The following ARHGAP24 variants were observed in gnomAD, a reference collection of about 807,000 sequenced individuals.
The protein encoded by ARHGAP24 is Rho GTPase activating protein 24.
In ARHGAP24, 50 loss-of-function variants were observed where a neutral mutation model predicts 76.4. That is an observed-to-expected ratio of 0.65 (90% CI 0.52 to 0.83). The LOEUF is 0.83. ARHGAP24 is among the 40% of genes least tolerant of loss of function. The probability of loss-of-function intolerance (pLI) is 0.00; values close to 1 mark genes in which losing one functional copy is unlikely to be tolerated. For missense variants in ARHGAP24, 930 were observed against 914.2 expected (o/e 1.02, Z -0.22); for synonymous variants, 345 against 323.3 (o/e 1.07, Z -0.72).
intron 5 of ARHGAP24, among the ~76,000 whole-genome samples, chr4:85,960,814 T>C (rs1047955021): frequency 2.2e-4 from 34 of 152,130 alleles, no homozygotes; most frequent in Non-Finnish European, 3.2e-4. Context: ...AAAGTCATAG[T>C]CCTATCTATG....
intron 2 of ARHGAP24, among the ~76,000 whole-genome samples, chr4:85,637,103 A>AC (rs1721337139): frequency 6.6e-6 from 1 of 152,148 alleles, no homozygotes; most frequent in Non-Finnish European, 1.5e-5. Context: ...TGTGTGGCAC[A>AC]GATAGCCAGT....
At chr4:85,975,020 A>G in intron 7 of ARHGAP24, 59 bp downstream of exon 7, 2 of 1,480,956 alleles carry the variant, frequency 1.4e-6, no homozygotes, top group South Asian at 1.1e-5. Flanking sequence ...CCTGATACTA[A>G]TTTGTGTTTG....
At chr4:85,831,964 T>A (rs1001956775) in intron 3 of ARHGAP24, among the ~76,000 whole-genome samples, 2 of 152,142 alleles carry the variant, frequency 1.3e-5, no homozygotes, top group Admixed American at 1.3e-4. Flanking sequence ...ACTGTATTTT[T>A]AAACGTAGGT....
chr4:85,753,940 A>G lies in ARHGAP24; in HGVS notation c.268+31968A>G, dbSNP rs1442710579. ...ATTATTCTGTTCTAGCTATTTTGTA[A>G]TATACAATAATATACAATAAAATGT... On this transcript the variant is annotated intron_variant, in intron 3 of 9. Coordinates refer to ENST00000395184, the MANE Select transcript of ARHGAP24 (RefSeq NM_001025616.3). Among the ~76,000 whole-genome samples the G allele has an allele frequency of 2.6e-5, 4 of 152,140 alleles. No homozygotes were observed. In the South Asian group the frequency reaches 8.3e-4, roughly 32 times the overall value.
chr4:85,942,478 C>A, intron 5 of ARHGAP24: 1 of 545,482 alleles, frequency 1.8e-6, no homozygotes, highest in Non-Finnish European at 3.2e-6. Flanking sequence ...CCATACTTTC[C>A]ATCTTAAAAC....
chr4:85,975,908 A>G (rs549696396), intron 7 of ARHGAP24: 1 of 152,330 alleles, frequency 6.6e-6, no homozygotes, highest in African/African-American at 2.4e-5. Flanking sequence ...AAGTCCTCCC[A>G]CAATAAGTTC....
chr4:85,738,542 A>C (rs1463049160), intron 3 of ARHGAP24, among the ~76,000 whole-genome samples: 1 of 151,796 alleles, frequency 6.6e-6, no homozygotes, highest in African/African-American at 2.4e-5. Context: ...GTGTCCTTGA[A>C]CCACAGAAGT....
intron 3 of ARHGAP24, among the ~76,000 whole-genome samples, chr4:85,801,683 A>G (rs1340708334): frequency 1.3e-5 from 2 of 152,238 alleles, no homozygotes; most frequent in Non-Finnish European, 2.9e-5. Flanking sequence ...AGATCAAACC[A>G]TGTGCTTGTG....
intron 3 of ARHGAP24, among the ~76,000 whole-genome samples, chr4:85,840,999 C>G (rs1730567794): frequency 6.6e-6 from 1 of 152,076 alleles, no homozygotes; most frequent in Non-Finnish European, 1.5e-5. Flanking sequence ...GAAGTAGGCA[C>G]CATAATACCT....
chr4:85,675,819 G>A (rs968070140), intron 2 of ARHGAP24, among the ~76,000 whole-genome samples: 5 of 152,114 alleles, frequency 3.3e-5, no homozygotes, highest in African/African-American at 4.8e-5. Context: ...ATGTTTATGT[G>A]CTCCTATCCA....
intron 2 of ARHGAP24, among the ~76,000 whole-genome samples, chr4:85,684,328 A>C (rs1456376259): frequency 6.6e-6 from 1 of 152,076 alleles, no homozygotes; most frequent in Admixed American, 6.6e-5. Context: ...ATGATATTTC[A>C]TTGTGGTTTT....
chr4:85,503,252 C>T (rs1723899872), intron 1 of ARHGAP24, among the ~76,000 whole-genome samples: 1 of 152,110 alleles, frequency 6.6e-6, no homozygotes, highest in African/African-American at 2.4e-5. Flanking sequence ...AGGGAGGATT[C>T]CCTCTTTTTC....
chr4:85,641,022 C>CTAAAGAAATTTCT (rs1323808621), intron 2 of ARHGAP24, among the ~76,000 whole-genome samples: 12 of 29,170 alleles, frequency 4.1e-4, no homozygotes, highest in Non-Finnish European at 1.0e-3. Flanking sequence ...AAGAAATTTA[C>CTAAAGAAATTTCT]TTAAGTTATT....
intron 4 of ARHGAP24, among the ~76,000 whole-genome samples, chr4:85,926,927 A>G (rs974351149): frequency 3.9e-5 from 6 of 152,218 alleles, no homozygotes; most frequent in African/African-American, 4.8e-5. Flanking sequence ...ACCCACAATT[A>G]TAAGTCCATG....
chr4:85,856,300 G>T (rs1239766471), intron 3 of ARHGAP24, among the ~76,000 whole-genome samples: 1 of 150,504 alleles, frequency 6.6e-6, no homozygotes, highest in Admixed American at 6.6e-5. Flanking sequence ...ATCTCATTTT[G>T]GTAAAAAAAA....
At chr4:85,744,614 G>A (rs1725955058) in intron 3 of ARHGAP24, among the ~76,000 whole-genome samples, 1 of 152,114 alleles carries the variant, frequency 6.6e-6, no homozygotes, top group Non-Finnish European at 1.5e-5. Context: ...GCAGATGACT[G>A]AGGTCTCTCC....
intron 5 of ARHGAP24, among the ~76,000 whole-genome samples, chr4:85,967,865 C>T (rs999591097): frequency 6.6e-6 from 1 of 152,054 alleles, no homozygotes; most frequent in Non-Finnish European, 1.5e-5. Flanking sequence ...AATCTAACAG[C>T]AGTTTGGGCC....
intron 1 of ARHGAP24, among the ~76,000 whole-genome samples, chr4:85,480,954 T>C (rs540371038): frequency 3.9e-5 from 6 of 152,256 alleles, no homozygotes; most frequent in African/African-American, 1.4e-4. Context: ...TTTCAAACCA[T>C]CAAATTGAGC....
chr4:85,632,834 G>A (rs1336272187), intron 2 of ARHGAP24, among the ~76,000 whole-genome samples: 6 of 152,074 alleles, frequency 3.9e-5, no homozygotes, highest in South Asian at 4.1e-4. Context: ...AATATCAGGA[G>A]TTAAAATTAG....
Sources: allele counts gnomAD v4.1 joint callset (sites outside exome capture counted in the v4.1 genomes callset), GRCh38; gene constraint gnomAD v4.1.1; transcripts MANE v1.5; gene names NCBI Gene and HGNC (gene_info 2026-07-23, HGNC 2026-07-21).